Variants in RBM47 observed in about 807,000 individuals in gnomAD.
RBM47 encodes the protein RNA binding motif protein 47.
RBM47 carries 21 observed loss-of-function variants against 47.1 expected under a neutral mutation model. That is an observed-to-expected ratio of 0.45 (90% CI 0.32 to 0.64). The LOEUF is 0.64. RBM47 is among the 30% of genes least tolerant of loss of function. The pLI is 0.05. For missense variants in RBM47, 708 were observed against 870.9 expected (o/e 0.81, Z 2.35); for synonymous variants, 375 against 361.7 (o/e 1.04, Z -0.42).
chr4:40,494,572 G>A (rs1722323351), intron 2 of RBM47, among the ~76,000 whole-genome samples: 1 of 152,158 alleles, frequency 6.6e-6, no homozygotes, highest in Non-Finnish European at 1.5e-5. Flanking sequence ...TGTGGGATAG[G>A]ATGTGGAGAT....
intron 2 of RBM47, among the ~76,000 whole-genome samples, chr4:40,507,735 G>C (rs149247436): frequency 1.3e-5 from 2 of 151,874 alleles, no homozygotes; most frequent in East Asian, 3.9e-4. Flanking sequence ...GCAGTGACCC[G>C]AGATCGCGCC....
At chr4:40,572,246 C>T (rs1038144267) in intron 1 of RBM47, among the ~76,000 whole-genome samples, 9 of 150,784 alleles carry the variant, frequency 6.0e-5, no homozygotes, top group African/African-American at 2.2e-4. Context: ...AGCTGGACCT[C>T]GTGGCATCCG....
intron 2 of RBM47, among the ~76,000 whole-genome samples, chr4:40,523,630 G>A (rs759385642): frequency 2.6e-5 from 4 of 151,716 alleles, no homozygotes; most frequent in South Asian, 4.2e-4. Context: ...CAGCCTGGGC[G>A]CCAAGAGCAA....
chr4:40,432,203 T>TACACACACACACAC lies in RBM47; in HGVS notation c.1542+434_1542+447dup, dbSNP rs61008905. ...TGTTCTTTCTCTCTCTCTCTCTCTT[T>TACACACACACACAC]ACACACACACACACACACACACACA... On this transcript the variant is annotated intron_variant, in intron 6 of 6. Transcript: ENST00000295971. Among the ~76,000 whole-genome samples, 83 of 147,828 alleles carry TACACACACACACAC rather than the reference T, an allele frequency of 5.6e-4. 1 individual carries two copies. The highest frequency in any genetic ancestry group is 2.0e-3 in the African/African-American group (78 of 39,724).
chr4:40,531,615 G>T (rs1284418435), intron 2 of RBM47, among the ~76,000 whole-genome samples: 1 of 152,120 alleles, frequency 6.6e-6, no homozygotes, highest in African/African-American at 2.4e-5. Context: ...TCAGATACCA[G>T]GGTGAAGGCT....
At chr4:40,598,592 AG>A (rs1470500404) in intron 1 of RBM47, among the ~76,000 whole-genome samples, 2 of 152,176 alleles carry the variant, frequency 1.3e-5, no homozygotes, top group African/African-American at 4.8e-5. Flanking sequence ...TCAAAAAAAA[AG>A]AAGAGACAAA....
intron 1 of RBM47, among the ~76,000 whole-genome samples, chr4:40,548,877 A>G (rs1464306499): frequency 1.3e-5 from 2 of 151,908 alleles, no homozygotes; most frequent in Admixed American, 1.3e-4. Flanking sequence ...TGTGGGCCAT[A>G]CTGGTCTTAA....
At chr4:40,505,896 A>T (rs1345871233) in intron 2 of RBM47, among the ~76,000 whole-genome samples, 2 of 6,784 alleles carry the variant, frequency 2.9e-4, no homozygotes, top group Non-Finnish European at 5.2e-4. Context: ...CAAAAAAAAC[A>T]AAACAAAACA....
At chr4:40,551,894 C>T (rs1169747612) in intron 1 of RBM47, among the ~76,000 whole-genome samples, 1 of 151,992 alleles carries the variant, frequency 6.6e-6, no homozygotes, top group Non-Finnish European at 1.5e-5. Context: ...AGTGATTCAC[C>T]TGCCTTGGCC....
rs1288031371 is a variant in RBM47, at chr4:40,490,282, G to GA, written c.-154-23584dup. Among the ~76,000 whole-genome samples, 18 of 145,598 alleles carry GA rather than the reference G, an allele frequency of 1.2e-4. 1 individual carries two copies. Among genetic ancestry groups the GA allele is most frequent in the Non-Finnish European group, 9.1e-5 (6 of 66,172 alleles). Reference sequence around the variant, plus strand: ...TACTTGTTTCTAGCCAGGATAAATAGAAAAAAAGGAAAAAGAAAAAAAAAG... The same window carrying GA: ...TACTTGTTTCTAGCCAGGATAAATAGAAAAAAAAGGAAAAAGAAAAAAAAAG... On this transcript the variant is annotated intron_variant, in intron 2 of 6. Coordinates refer to ENST00000295971, the MANE Select transcript of RBM47 (RefSeq NM_001098634.2).
At chr4:40,572,008 G>T (rs1731767738) in intron 1 of RBM47, among the ~76,000 whole-genome samples, 1 of 146,420 alleles carries the variant, frequency 6.8e-6, no homozygotes, top group African/African-American at 2.6e-5. Context: ...GGGCAACAGA[G>T]CGAGACTCCA....
intron 2 of RBM47, among the ~76,000 whole-genome samples, chr4:40,505,990 G>T (rs1724054179): frequency 6.6e-6 from 1 of 152,130 alleles, no homozygotes; most frequent in Admixed American, 6.6e-5. Flanking sequence ...AATCTTCCTT[G>T]GGGGTTGGGT....
chr4:40,431,385 G>A (rs1040560225), intron 6 of RBM47, among the ~76,000 whole-genome samples: 10 of 152,166 alleles, frequency 6.6e-5, no homozygotes, highest in Non-Finnish European at 1.2e-4. Context: ...ATGGCCGGGC[G>A]CGGTGGCTCA....
intron 1 of RBM47, among the ~76,000 whole-genome samples, chr4:40,545,047 C>A (rs1040826443): frequency 1.5e-5 from 2 of 133,766 alleles, no homozygotes; most frequent in African/African-American, 5.9e-5. Context: ...AGAGTGAGAT[C>A]CTTTTTTTTT....
At chr4:40,450,815 C>A (rs1715304903) in intron 3 of RBM47, among the ~76,000 whole-genome samples, 1 of 151,948 alleles carries the variant, frequency 6.6e-6, no homozygotes, top group South Asian at 2.1e-4. Context: ...ATGCAAAAGC[C>A]CCCTACCTCC....
intron 2 of RBM47, among the ~76,000 whole-genome samples, chr4:40,481,220 T>A (rs1018193036): frequency 1.3e-5 from 2 of 151,770 alleles, no homozygotes; most frequent in Non-Finnish European, 2.9e-5. Context: ...TATCCCGAGA[T>A]GTACTCAAGC....
intron 3 of RBM47, among the ~76,000 whole-genome samples, chr4:40,464,890 CA>C (rs71646997): frequency 0.23 from 7,285 of 31,340 alleles, 53 homozygotes; most frequent in East Asian, 0.37. Flanking sequence ...GACTCTGTCT[CA>C]AAAAAAAAAA....
chr4:40,517,260 G>C (rs1261701640), intron 2 of RBM47, among the ~76,000 whole-genome samples: 1 of 152,020 alleles, frequency 6.6e-6, no homozygotes, highest in African/African-American at 2.4e-5. Context: ...CCAGCCTCCT[G>C]CGTAGCTGGG....
chr4:40,516,823 G>GCCAC (rs1439610809), intron 2 of RBM47, among the ~76,000 whole-genome samples: 1 of 152,038 alleles, frequency 6.6e-6, no homozygotes, highest in Non-Finnish European at 1.5e-5. Context: ...TGCTCTCCCC[G>GCCAC]CCACCTGTGG....
Sources: gnomAD v4.1 joint callset for allele counts (sites outside exome capture counted in the v4.1 genomes callset) on GRCh38, gnomAD v4.1.1 for gene constraint, MANE v1.5 for transcripts, NCBI Gene and HGNC (gene_info 2026-07-23, HGNC 2026-07-21) for gene names.